The following EYS variants were observed in gnomAD, a reference collection of about 807,000 sequenced individuals.
EYS encodes the protein protein eyes shut homolog.
A neutral mutation model predicts 282.1 loss-of-function variants in EYS; 250 were observed. That is an observed-to-expected ratio of 0.89 (90% CI 0.80 to 0.98). The LOEUF (loss-of-function observed/expected upper bound fraction) is 0.98, where lower values mean the gene tolerates loss of function less well. EYS is among the 50% of genes least tolerant of loss of function. EYS has a pLI of 0.00. For missense variants in EYS, 4,016 were observed against 3,709.0 expected (o/e 1.08, Z -2.15); for synonymous variants, 1,355 against 1,282.9 (o/e 1.06, Z -1.20).
At chr6:64,936,726 A>G (rs1440300890) in intron 15 of EYS, among the ~76,000 whole-genome samples, 4 of 151,580 alleles carry the variant, frequency 2.6e-5, no homozygotes, top group South Asian at 4.1e-4. Flanking sequence ...AAGTACAAGT[A>G]TACATAGGAA....
At chr6:64,655,570 C>T (rs572543448) in intron 22 of EYS, among the ~76,000 whole-genome samples, 1 of 151,806 alleles carries the variant, frequency 6.6e-6, no homozygotes, top group Admixed American at 6.6e-5. Flanking sequence ...ATAATGTTTG[C>T]TATATATATG....
chr6:65,648,285 A>G (rs950741978), intron 1 of EYS, among the ~76,000 whole-genome samples: 16 of 151,428 alleles, frequency 1.1e-4, no homozygotes, highest in African/African-American at 3.6e-4. Context: ...CCAAATGTCC[A>G]TCAATCAATG....
chr6:64,975,622 TAA>T (rs965584959), intron 14 of EYS, among the ~76,000 whole-genome samples: 1 of 151,836 alleles, frequency 6.6e-6, no homozygotes, highest in African/African-American at 2.4e-5. Flanking sequence ...ATTGTTTAGC[TAA>T]AATAGATATC....
At chr6:65,443,491 G>A (rs529102362) in intron 5 of EYS, among the ~76,000 whole-genome samples, 4 of 151,164 alleles carry the variant, frequency 2.6e-5, no homozygotes, top group East Asian at 3.9e-4. Context: ...ACACATATGC[G>A]CATATACTTA....
chr6:65,353,759 T>C, intron 8 of EYS, 142 bp from the exon 9 acceptor site: 1 of 640,668 alleles, frequency 1.6e-6, no homozygotes, highest in Non-Finnish European at 2.7e-6. Context: ...CTTCTCTTTA[T>C]TTCTTCTATT....
At chr6:64,852,002 T>C (rs540169517) in intron 19 of EYS, among the ~76,000 whole-genome samples, 2 of 152,218 alleles carry the variant, frequency 1.3e-5, no homozygotes, top group African/African-American at 2.4e-5. Flanking sequence ...TTGAGGATTG[T>C]TGGGATAAAG....
intron 7 of EYS, among the ~76,000 whole-genome samples, chr6:65,392,502 G>A (rs1766084784): frequency 6.6e-6 from 1 of 152,164 alleles, no homozygotes; most frequent in Admixed American, 6.5e-5. Flanking sequence ...CCATCAAAAA[G>A]TGGGAGAAGG....
At chr6:64,764,823 C>T (rs187687636) in intron 22 of EYS, among the ~76,000 whole-genome samples, 4 of 152,290 alleles carry the variant, frequency 2.6e-5, no homozygotes, top group East Asian at 3.9e-4. Flanking sequence ...ACTGCAACCT[C>T]GGCCTCCTGG....
At chr6:63,976,555 C>T (rs9362330) in intron 35 of EYS, among the ~76,000 whole-genome samples, 57,277 of 151,802 alleles carry the variant, frequency 0.38, 11,061 homozygotes, top group African/African-American at 0.46. Flanking sequence ...CCCTATGGAA[C>T]ATTAACTAGT....
At chr6:65,237,806 A>G (rs1307566091) in intron 12 of EYS, among the ~76,000 whole-genome samples, 1 of 152,150 alleles carries the variant, frequency 6.6e-6, no homozygotes, top group Non-Finnish European at 1.5e-5. Flanking sequence ...TGAACTAGTA[A>G]TTATAGATGG....
At chr6:64,990,182 A>G (rs1771016281) in intron 14 of EYS, among the ~76,000 whole-genome samples, 1 of 151,546 alleles carries the variant, frequency 6.6e-6, no homozygotes. Flanking sequence ...AAATTGCTAA[A>G]ATCAATCTGT....
At chr6:65,105,262 G>A (rs114362763) in intron 12 of EYS, among the ~76,000 whole-genome samples, 45 of 151,430 alleles carry the variant, frequency 3.0e-4, no homozygotes, top group Non-Finnish European at 7.4e-5. Context: ...TGCCTCTACT[G>A]AAACAATTTC....
At chr6:64,624,165 C>T (rs1767530518) in intron 23 of EYS, among the ~76,000 whole-genome samples, 1 of 152,118 alleles carries the variant, frequency 6.6e-6, no homozygotes, top group Admixed American at 6.6e-5. Context: ...AGATCTTCTG[C>T]TTCCCAATAG....
intron 26 of EYS, among the ~76,000 whole-genome samples, chr6:64,457,099 A>G (rs1410164472): frequency 6.6e-6 from 1 of 151,964 alleles, no homozygotes; most frequent in African/African-American, 2.4e-5. Flanking sequence ...AGAACATTTT[A>G]AACTTCCTTT....
At chr6:65,103,692 C>T (rs978639509) in intron 12 of EYS, among the ~76,000 whole-genome samples, 1 of 151,398 alleles carries the variant, frequency 6.6e-6, no homozygotes, top group Non-Finnish European at 1.5e-5. Context: ...CATCTTATCC[C>T]ATTAGATCTT....
intron 5 of EYS, among the ~76,000 whole-genome samples, chr6:65,457,611 T>C (rs1251648898): frequency 5.9e-5 from 9 of 152,184 alleles, no homozygotes. Flanking sequence ...TTCTTTCTTG[T>C]TCTAAATAAG....
intron 26 of EYS, among the ~76,000 whole-genome samples, chr6:64,465,068 C>CCTGTA (rs1775873251): frequency 6.6e-6 from 1 of 151,480 alleles, no homozygotes; most frequent in South Asian, 2.1e-4. Flanking sequence ...AGATAAAAGA[C>CCTGTA]CTGTACATTG....
chr6:65,202,043 C>A (rs1260481681), intron 12 of EYS, among the ~76,000 whole-genome samples: 4 of 151,720 alleles, frequency 2.6e-5, no homozygotes, highest in Non-Finnish European at 4.4e-5. Flanking sequence ...ACCCAGGAGG[C>A]AGAGGTTACA....
intron 8 of EYS, among the ~76,000 whole-genome samples, chr6:65,383,360 C>G (rs1465372194): frequency 2.0e-5 from 3 of 151,624 alleles, no homozygotes; most frequent in African/African-American, 4.8e-5. Flanking sequence ...TTTTTAGTGT[C>G]ATGTCTTAAT....
Sources: allele counts gnomAD v4.1 joint callset (sites outside exome capture counted in the v4.1 genomes callset), GRCh38; gene constraint gnomAD v4.1.1; transcripts MANE v1.5; gene names NCBI Gene and HGNC (gene_info 2026-07-23, HGNC 2026-07-21).